The following RASGEF1C variants were observed in gnomAD, a reference collection of about 807,000 sequenced individuals.
RASGEF1C encodes ras-GEF domain-containing family member 1C.
A neutral mutation model predicts 58.1 loss-of-function variants in RASGEF1C; 27 were observed. The observed-to-expected ratio is 0.46, with a 90% CI of 0.34 to 0.64. The LOEUF (loss-of-function observed/expected upper bound fraction) is 0.64, where lower values mean the gene tolerates loss of function less well. RASGEF1C is among the 30% of genes least tolerant of loss of function. The pLI, the probability that RASGEF1C is intolerant of heterozygous loss-of-function variation, is 0.01. For missense variants in RASGEF1C, 502 were observed against 605.1 expected (o/e 0.83, Z 1.79); for synonymous variants, 243 against 246.3 (o/e 0.99, Z 0.13).
intron 1 of RASGEF1C, among the ~76,000 whole-genome samples, chr5:180,147,145 A>C (rs1051780303): frequency 6.6e-6 from 1 of 151,952 alleles, no homozygotes; most frequent in Non-Finnish European, 1.5e-5. Flanking sequence ...TGAATTGGTA[A>C]TAGTATCCCT....
In RASGEF1C at chr5:180,156,191, C is replaced by T. The variant is rs1211536987; in HGVS notation, c.-6-18133G>A. ...GTAGTTCCACCTGTGTATTTATCCC[C>T]AAATACCCTGCCTAGTTTGACAGCA... On this transcript the variant is annotated intron_variant, in intron 1 of 13. Transcript: ENST00000361132. This position sits in a 1 kb window ranked among gnomAD's most constrained non-coding sequence, Gnocchi z 4.9. Among the ~76,000 whole-genome samples the T allele has an allele frequency of 6.6e-6, 1 of 152,138 alleles. No individual in the cohort carries two copies. The highest frequency in any genetic ancestry group is 2.4e-5 in the African/African-American group (1 of 41,424).
At chr5:180,128,897 C>T (rs1273803503) in intron 4 of RASGEF1C, among the ~76,000 whole-genome samples, 3 of 144,302 alleles carry the variant, frequency 2.1e-5, no homozygotes, top group African/African-American at 2.6e-5. Context: ...TGACGGGGGC[C>T]GGGGGCAGCT....
chr5:180,184,183 AAAT>A (rs1197232578), intron 1 of RASGEF1C, among the ~76,000 whole-genome samples: 2 of 144,178 alleles, frequency 1.4e-5, no homozygotes, highest in Non-Finnish European at 3.2e-5. Flanking sequence ...AAATAAAAAT[AAAT>A]AAATAAATAA....
At chr5:180,125,935 C>T (rs927512176) in intron 6 of RASGEF1C, among the ~76,000 whole-genome samples, 6 of 152,148 alleles carry the variant, frequency 3.9e-5, no homozygotes, top group African/African-American at 1.4e-4. Context: ...AAAGTGTGCA[C>T]TCGTGTATAC....
intron 1 of RASGEF1C, among the ~76,000 whole-genome samples, chr5:180,164,539 C>T (rs1766990615): frequency 2.0e-5 from 3 of 152,134 alleles, no homozygotes; most frequent in Admixed American, 2.0e-4. Flanking sequence ...CTTGAGACAT[C>T]CATTTTTACC....
intron 1 of RASGEF1C, chr5:180,138,396 C>T (rs1342012820): frequency 2.4e-5 from 5 of 211,518 alleles, no homozygotes; most frequent in Non-Finnish European, 4.7e-5. Context: ...GATAATCAGC[C>T]TAATCCCCCT....
intron 1 of RASGEF1C, among the ~76,000 whole-genome samples, chr5:180,182,019 C>T (rs893853924): frequency 1.8e-4 from 27 of 151,482 alleles, no homozygotes; most frequent in South Asian, 2.1e-4. Flanking sequence ...CTGGCTAACA[C>T]GGTGAAACCC....
At chr5:180,126,051 CTT>C (rs1766251744) in intron 6 of RASGEF1C, among the ~76,000 whole-genome samples, 1 of 152,036 alleles carries the variant, frequency 6.6e-6, no homozygotes, top group Non-Finnish European at 1.5e-5. Context: ...CATGTGTCGT[CTT>C]GATGTATTTC....
At chr5:180,171,079 T>C (rs1767100527) in intron 1 of RASGEF1C, among the ~76,000 whole-genome samples, 1 of 152,100 alleles carries the variant, frequency 6.6e-6, no homozygotes, top group African/African-American at 2.4e-5. Context: ...GTGAGACGCG[T>C]GCAGCCAGGC....
intron 12 of RASGEF1C, among the ~76,000 whole-genome samples, chr5:180,109,601 A>G (rs1440484789): frequency 6.6e-6 from 1 of 152,234 alleles, no homozygotes; most frequent in Non-Finnish European, 1.5e-5. Context: ...GATGTGGAGA[A>G]TATCTTGGAT....
intron 4 of RASGEF1C, among the ~76,000 whole-genome samples, chr5:180,134,123 G>A (rs780256958): frequency 6.6e-6 from 1 of 152,120 alleles, no homozygotes. Flanking sequence ...ACCATTCTGC[G>A]CCAGGAGGGG....
intron 1 of RASGEF1C, among the ~76,000 whole-genome samples, chr5:180,165,435 T>G (rs1330984216): frequency 1.3e-5 from 2 of 152,054 alleles, no homozygotes. Flanking sequence ...TTTGGGAGGC[T>G]GAGGCAGGTA....
chr5:180,187,107 T>C (rs934530115), intron 1 of RASGEF1C, among the ~76,000 whole-genome samples: 2 of 152,132 alleles, frequency 1.3e-5, no homozygotes, highest in Admixed American at 6.6e-5. Context: ...GCTACAGTAA[T>C]CAAAACAGTG....
chr5:180,141,418 G>A (rs1000637455), intron 1 of RASGEF1C, among the ~76,000 whole-genome samples: 1 of 152,196 alleles, frequency 6.6e-6, no homozygotes, highest in East Asian at 1.9e-4. Context: ...GCGGCAACAC[G>A]GATGACCTTG....
intron 1 of RASGEF1C, among the ~76,000 whole-genome samples, chr5:180,151,669 A>G (rs1766747147): frequency 6.6e-6 from 1 of 152,086 alleles, no homozygotes; most frequent in Admixed American, 6.5e-5. Context: ...CAAGGACTTC[A>G]TGTCTAAAAC....
rs144556783 is a variant in RASGEF1C at position 180,134,519 on chromosome 5, T to C, written c.438+1859A>G. Among the ~76,000 whole-genome samples the C allele has an allele frequency of 3.5e-3, 526 of 151,762 alleles. 6 individuals carry two copies. Among genetic ancestry groups the C allele is most frequent in the African/African-American group, 0.012 (507 of 41,322 alleles). On this transcript the variant is annotated intron_variant, in intron 4 of 13. Transcript: ENST00000361132. Reference sequence around the variant, plus strand: ...CAGGAGACTGGGGTCTCACCCCCTGTAGACCATCCACCCAGCACCCACCAT... The same window carrying C: ...CAGGAGACTGGGGTCTCACCCCCTGCAGACCATCCACCCAGCACCCACCAT...
chr5:180,164,394 G>A (rs975841862), intron 1 of RASGEF1C, among the ~76,000 whole-genome samples: 96 of 152,236 alleles, frequency 6.3e-4, no homozygotes, highest in African/African-American at 2.1e-3. Context: ...TCCTTGACAA[G>A]AGATAATTGT....
intron 1 of RASGEF1C, among the ~76,000 whole-genome samples, chr5:180,181,931 C>T (rs1043039528): frequency 6.6e-6 from 1 of 150,786 alleles, no homozygotes; most frequent in African/African-American, 2.4e-5. Flanking sequence ...GGGCCGGGCG[C>T]AGTGGCTCAC....
chr5:180,187,874 C>T (rs1374767041), intron 1 of RASGEF1C, among the ~76,000 whole-genome samples: 4 of 152,172 alleles, frequency 2.6e-5, no homozygotes, highest in East Asian at 1.9e-4. Context: ...TGTGGAGAAA[C>T]GGGAAACCTT....
Sources: allele counts gnomAD v4.1 joint callset (sites outside exome capture counted in the v4.1 genomes callset), GRCh38; gene constraint gnomAD v4.1.1; non-coding constraint Gnocchi (gnomAD v3.1); transcripts MANE v1.5; gene names NCBI Gene and HGNC (gene_info 2026-07-23, HGNC 2026-07-21).